Variants in EFNA5 observed in about 807,000 individuals in gnomAD.
EFNA5 encodes ephrin A5.
Under a neutral mutation model 22.9 loss-of-function variants are expected in EFNA5, and 5 were observed. The ratio of observed to expected loss-of-function variants is 0.22; its 90% CI spans 0.11 to 0.46. The LOEUF is 0.46. Among genes scored for constraint, EFNA5 ranks in the 20% least tolerant of loss-of-function variants. EFNA5 has a pLI of 0.99. For missense variants in EFNA5, 237 were observed against 293.3 expected, an observed-to-expected ratio of 0.81 and a Z score of 1.40; for synonymous variants, 113 against 112.2, an observed-to-expected ratio of 1.01 and a Z score of -0.04.
intron 1 of EFNA5, among the ~76,000 whole-genome samples, chr5:107,579,060 TG>T (rs1439272515): frequency 6.6e-6 from 1 of 152,174 alleles, no homozygotes; most frequent in Non-Finnish European, 1.5e-5. Context: ...TGATCAACTC[TG>T]CCACTTCCTG....
At position 107,569,493 on chromosome 5, in the gene EFNA5, ATATGTGTATATATATT is replaced by A. The variant is rs1344364403; in HGVS notation, c.125+100980_125+100995del. ...TATATATGTGTATATATATTTATAT[ATATGTGTATATATATT>A]TATATATGTGTGTATATATATTTAT... On this transcript the variant is annotated intron_variant, in intron 1 of 4. Transcript: ENST00000333274. Among the ~76,000 whole-genome samples, 121 of 136,774 alleles carry A rather than the reference ATATGTGTATATATATT, an allele frequency of 8.8e-4. 1 individual carries two copies. Among genetic ancestry groups the A allele is most frequent in the African/African-American group, 3.3e-3 (116 of 35,552 alleles). The allele number at this position is 136,774 out of a possible 152,430, so 89.7% of individuals were successfully genotyped here.
chr5:107,599,113 C>T (rs1046032648), intron 1 of EFNA5, among the ~76,000 whole-genome samples: 2 of 152,212 alleles, frequency 1.3e-5, no homozygotes, highest in Middle Eastern at 3.4e-3. Flanking sequence ...GGCACGGGAA[C>T]CAGAGGATAA....
At chr5:107,592,659 T>C (rs940069261) in intron 1 of EFNA5, among the ~76,000 whole-genome samples, 2 of 152,290 alleles carry the variant, frequency 1.3e-5, no homozygotes, top group East Asian at 3.9e-4. Flanking sequence ...GCCAAAGAGA[T>C]GCAGGGACAG....
At chr5:107,635,777 G>C (rs993360745) in intron 1 of EFNA5, among the ~76,000 whole-genome samples, 5 of 152,142 alleles carry the variant, frequency 3.3e-5, no homozygotes, top group African/African-American at 1.2e-4. Flanking sequence ...TATCAATTCA[G>C]CTCTGTGCAG....
chr5:107,663,147 C>T lies in EFNA5; in HGVS notation c.125+7342G>A, dbSNP rs575555611. 2.5e-3 allele frequency among the ~76,000 whole-genome samples: 381 copies of T among 152,074 alleles called. 2 individuals carry two copies. The highest frequency in any genetic ancestry group is 7.0e-3 in the African/African-American group (289 of 41,490). On this transcript the variant is annotated intron_variant, in intron 1 of 4. Transcript: ENST00000333274. ...ATAAAGTGGTTTAGTCCTTTTCTAT[C>T]GTCCATATTCATTTCCGAACCAATT...
chr5:107,592,047 T>C lies in EFNA5; in HGVS notation c.125+78442A>G, dbSNP rs1159767211. Among the ~76,000 whole-genome samples, 91 of 91,136 alleles carry C rather than the reference T, an allele frequency of 1.0e-3. 7 individuals carry two copies. The highest frequency in any genetic ancestry group is 4.8e-3 in the African/African-American group (88 of 18,288). 59.8% of individuals were successfully genotyped at this position (91,136 alleles called of 152,430 possible). On this transcript the variant is annotated intron_variant, in intron 1 of 4. Coordinates refer to ENST00000333274, the MANE Select transcript of EFNA5 (RefSeq NM_001962.3). ...TATATATTATATATTATATATATTATACATTAAACATATATTTATAATAAT... is the reference window on the plus strand; with the variant it reads ...TATATATTATATATTATATATATTACACATTAAACATATATTTATAATAAT...
At chr5:107,623,973 A>G (rs918247928) in intron 1 of EFNA5, among the ~76,000 whole-genome samples, 3 of 152,114 alleles carry the variant, frequency 2.0e-5, no homozygotes, top group Middle Eastern at 3.2e-3. Context: ...CCAATACACA[A>G]GTGGGGGAGT....
chr5:107,420,015 C>T (rs902482033), intron 2 of EFNA5, among the ~76,000 whole-genome samples: 2 of 152,082 alleles, frequency 1.3e-5, no homozygotes, highest in East Asian at 1.9e-4. Flanking sequence ...TGACACTCTT[C>T]TATTTCAATA....
At chr5:107,561,775 T>G (rs1748549876) in intron 1 of EFNA5, among the ~76,000 whole-genome samples, 1 of 152,226 alleles carries the variant, frequency 6.6e-6, no homozygotes, top group Non-Finnish European at 1.5e-5. Flanking sequence ...CTTAAACAGA[T>G]AGTGGACATT....
intron 3 of EFNA5, 55 bp from the exon 4 acceptor site, chr5:107,387,370 T>C (rs1747654765): frequency 1.7e-6 from 2 of 1,164,072 alleles, no homozygotes; most frequent in Non-Finnish European, 2.5e-6. Context: ...ACCCTTAAAC[T>C]CCCATTTCTT....
chr5:107,577,222 C>T (rs1017246161), intron 1 of EFNA5, among the ~76,000 whole-genome samples: 2 of 152,114 alleles, frequency 1.3e-5, no homozygotes, highest in Admixed American at 1.3e-4. Context: ...CACCTGGTCA[C>T]TCTGAAACAA....
At chr5:107,661,891 C>T (rs1750967640) in intron 1 of EFNA5, among the ~76,000 whole-genome samples, 1 of 152,158 alleles carries the variant, frequency 6.6e-6, no homozygotes, top group African/African-American at 2.4e-5. Flanking sequence ...GCCATAACCT[C>T]ATTTAATTCA....
chr5:107,592,454 T>A (rs67289942), intron 1 of EFNA5, among the ~76,000 whole-genome samples: 21,195 of 151,932 alleles, frequency 0.14, 3,640 homozygotes, highest in African/African-American at 0.41. Flanking sequence ...AACATGGACA[T>A]GCTTTAAATA....
At chr5:107,516,932 A>C (rs929839301) in intron 1 of EFNA5, among the ~76,000 whole-genome samples, 117 of 152,318 alleles carry the variant, frequency 7.7e-4, no homozygotes, top group African/African-American at 2.5e-3. Context: ...AAAATGTCCC[A>C]AAAAGGCAAG....
At chr5:107,494,016 G>C (rs758930656) in intron 1 of EFNA5, among the ~76,000 whole-genome samples, 4 of 152,210 alleles carry the variant, frequency 2.6e-5, no homozygotes, top group Non-Finnish European at 4.4e-5. Flanking sequence ...CTTAAAATGA[G>C]CAGAAATGAA....
chr5:107,387,162 A>G (rs1747647462), intron 4 of EFNA5, 73 bp downstream of exon 4: 1 of 1,101,044 alleles, frequency 9.1e-7, no homozygotes, highest in Admixed American at 2.2e-5. Flanking sequence ...GCAGAGAAGA[A>G]GAAAGGAAAA....
intron 1 of EFNA5, among the ~76,000 whole-genome samples, chr5:107,528,852 C>A (rs1023321073): frequency 1.3e-5 from 2 of 152,046 alleles, no homozygotes; most frequent in African/African-American, 2.4e-5. Context: ...ATGTTCTAGG[C>A]CTTTCAAACT....
intron 1 of EFNA5, among the ~76,000 whole-genome samples, chr5:107,632,436 T>C (rs913538692): frequency 6.6e-6 from 1 of 152,182 alleles, no homozygotes; most frequent in African/African-American, 2.4e-5. Flanking sequence ...TCACAAATAC[T>C]GGACCTTTCA....
chr5:107,552,929 G>A (rs1042599224), intron 1 of EFNA5, among the ~76,000 whole-genome samples: 1 of 152,200 alleles, frequency 6.6e-6, no homozygotes, highest in East Asian at 1.9e-4. Flanking sequence ...TAATTTACCT[G>A]TGAGGGTTAG....
Sources: gnomAD v4.1 joint callset for allele counts (sites outside exome capture counted in the v4.1 genomes callset) on GRCh38, gnomAD v4.1.1 for gene constraint, MANE v1.5 for transcripts, NCBI Gene and HGNC (gene_info 2026-07-23, HGNC 2026-07-21) for gene names.